UGT2B10: variants seen among roughly 807,000 people sequenced by gnomAD.
UGT2B10 encodes UDP-glucuronosyltransferase 2B10.
Under a neutral mutation model 43.7 loss-of-function variants are expected in UGT2B10, and 51 were observed. The observed-to-expected ratio is 1.17, with a 90% CI of 0.93 to 1.47. UGT2B10 has a LOEUF of 1.47. Among genes scored for constraint, UGT2B10 ranks in the 40% most tolerant of loss-of-function variants. The pLI is 0.00. For missense variants in UGT2B10, 696 were observed against 617.7 expected (o/e 1.13, Z -1.34); for synonymous variants, 225 against 209.0 (o/e 1.08, Z -0.66).
chr4:68,823,385 T>C (rs1737609818), intron 3 of UGT2B10, among the ~76,000 whole-genome samples: 1 of 151,974 alleles, frequency 6.6e-6, no homozygotes, highest in Admixed American at 6.6e-5. Flanking sequence ...TGTGTGCCTG[T>C]AACCCCAGCT....
At chr4:68,821,447 C>T (rs537867893) in intron 2 of UGT2B10, among the ~76,000 whole-genome samples, 1 of 152,254 alleles carries the variant, frequency 6.6e-6, no homozygotes, top group South Asian at 2.1e-4. Context: ...GAGTTCCTCA[C>T]ATGCAGTTAG....
chr4:68,822,717 C>T (rs1469487847), intron 3 of UGT2B10, among the ~76,000 whole-genome samples: 4 of 152,130 alleles, frequency 2.6e-5, no homozygotes, highest in African/African-American at 9.7e-5. Context: ...CTGATGTTAA[C>T]AGTCATACCT....
chr4:68,827,494 C>T lies in UGT2B10; in HGVS notation c.1253C>T (p.Thr418Ile), dbSNP rs759358213. Reference protein sequence around the residue: ...KGAAVRVDFNTMSSTDLLNAL... With the variant: ...KGAAVRVDFNIMSSTDLLNAL... ...GCAGCTGTTAGAGTGGACTTCAACACAATGTCGAGTACAGACCTGCTGAAT... is the reference window on the plus strand; with the variant it reads ...GCAGCTGTTAGAGTGGACTTCAACATAATGTCGAGTACAGACCTGCTGAAT... The change falls in exon 5 of 6, where the codon ACA becomes ATA. Residue 418 changes from threonine to isoleucine, a missense_variant. Thr to Ile is a moderately conservative substitution (Grantham distance 89). Coordinates refer to ENST00000265403, the MANE Select transcript of UGT2B10 (RefSeq NM_001075.6). 27 of 1,613,308 alleles carry T rather than the reference C, an allele frequency of 1.7e-5. No individual in the cohort carries two copies. The highest frequency in any genetic ancestry group is 2.1e-5 in the Non-Finnish European group (25 of 1,179,558).
In UGT2B10 at chr4:68,816,661, C is replaced by A; in HGVS notation, c.642C>A (p.Leu214=). The change falls in exon 1 of 6, where the codon CTC becomes CTA. Residue 214 remains leucine (L), a synonymous_variant. Coordinates refer to ENST00000265403, the MANE Select transcript of UGT2B10 (RefSeq NM_001075.6). ...TCATGGAGAGGGTAAAAAATATGCT[C>A]TATGTGCTTTATTTTGACTTTTGGT... ...MTFMERVKNM[L]YVLYFDFWFQ... 1 of 1,612,330 alleles carries A rather than the reference C, an allele frequency of 6.2e-7. No individual in the cohort carries two copies. The highest frequency in any genetic ancestry group is 8.5e-7 in the Non-Finnish European group (1 of 1,179,022).
intron 2 of UGT2B10, among the ~76,000 whole-genome samples, chr4:68,820,999 G>C (rs1254515171): frequency 1.3e-5 from 2 of 152,146 alleles, no homozygotes; most frequent in African/African-American, 4.8e-5. Flanking sequence ...CACTGAACAC[G>C]AGTTACATTA....
chr4:68,827,695 A>C (rs1182194508), intron 5 of UGT2B10, 147 bp downstream of exon 5: 5 of 1,361,292 alleles, frequency 3.7e-6, no homozygotes, highest in Admixed American at 2.9e-5. Context: ...TTTACTTTTT[A>C]TCTGTTATTT....
At position 68,816,023 on chromosome 4, in the gene UGT2B10, G is replaced by T; in HGVS notation, c.4G>T (p.Ala2Ser). 2 of 1,612,554 alleles carry T rather than the reference G, an allele frequency of 1.2e-6. No homozygotes were observed. The highest frequency in any genetic ancestry group is 1.1e-5 in the South Asian group (1 of 91,048). Residue 2 changes from alanine (A) to serine (S), a missense_variant, in exon 1 of 6, where the codon GCT (alanine) becomes TCT (serine). Coordinates refer to ENST00000265403, the MANE Select transcript of UGT2B10 (RefSeq NM_001075.6). M[A>S]LKWTTVLLIQ... Reference sequence around the variant, plus strand: ...AGAATTATCACATTGCACAAGGATGGCTCTGAAATGGACTACAGTTCTGCT... The same window carrying T: ...AGAATTATCACATTGCACAAGGATGTCTCTGAAATGGACTACAGTTCTGCT...
Position 68,822,225 on chromosome 4 carries a change from G to C in UGT2B10, c.868-46G>C, listed in dbSNP as rs749128915. The C allele has an allele frequency of 3.6e-5, 57 of 1,601,630 alleles. No individual in the cohort carries two copies. The Admixed American group carries it at 3.9e-4, about 11-fold the overall frequency. ...ACCAATTCTTTCGGTAGTGCCTGCT[G>C]TGGTGATACTCTTTTATGATGAAAC... is the stretch of plus-strand genomic sequence containing the variant. On this transcript the variant is annotated intron_variant, in intron 2 of 5. Coordinates refer to ENST00000265403, the MANE Select transcript of UGT2B10 (RefSeq NM_001075.6).
intron 3 of UGT2B10, among the ~76,000 whole-genome samples, chr4:68,823,623 A>G (rs1737624774): frequency 6.6e-6 from 1 of 152,194 alleles, no homozygotes; most frequent in Non-Finnish European, 1.5e-5. Flanking sequence ...ACTTCAGCAT[A>G]GGGAACAAAC....
chr4:68,822,928 C>CT (rs1429963576), intron 3 of UGT2B10, among the ~76,000 whole-genome samples: 1 of 152,114 alleles, frequency 6.6e-6, no homozygotes, highest in African/African-American at 2.4e-5. Context: ...GAACACTTGA[C>CT]TAACTCTTGG....
rs1293106211 is a variant in UGT2B10, at chr4:68,831,571, A to G, written c.*692A>G. On this transcript the variant is annotated 3_prime_UTR_variant, in exon 6 of 6. Coordinates refer to ENST00000265403, the MANE Select transcript of UGT2B10 (RefSeq NM_001075.6). ...GTTTGATTACATAAAATAAAGTGGA[A>G]ATGAATGATTGACTGAACAGCCCAC... 6.6e-6 allele frequency among the ~76,000 whole-genome samples: 1 copy of G among 152,116 alleles called. No individual in the cohort carries two copies. Among genetic ancestry groups the G allele is most frequent in the African/African-American group, 2.4e-5 (1 of 41,454 alleles).
At chr4:68,822,191 A>G (rs1737534728) in intron 2 of UGT2B10, 80 bp from the exon 3 acceptor site, 1 of 1,557,358 alleles carries the variant, frequency 6.4e-7, no homozygotes, top group South Asian at 1.2e-5. Context: ...TCTCTCTTTA[A>G]TATTTTGTAC....
At chr4:68,821,333 G>A (rs1393941358) in intron 2 of UGT2B10, among the ~76,000 whole-genome samples, 1 of 152,240 alleles carries the variant, frequency 6.6e-6, no homozygotes, top group Non-Finnish European at 1.5e-5. Context: ...TGTGGTGTGC[G>A]TGAGCTACTC....
At position 68,830,486 on chromosome 4, in the gene UGT2B10, A is replaced by G. The variant is rs930475172; in HGVS notation, c.1308-114A>G. ...ATTAAAATACATAAATTCTATATCA[A>G]TTCTTTGACATTTACTTTGAATTAT... On this transcript the variant is annotated intron_variant, in intron 5 of 5. Transcript: ENST00000265403. 1.5e-5 allele frequency: 19 copies of G among 1,285,380 alleles called. No individual in the cohort carries two copies. In the Admixed American group the frequency reaches 4.3e-4, roughly 29 times the overall value. 79.6% of individuals were successfully genotyped at this position (1,285,380 alleles called of 1,614,324 possible).
chr4:68,816,403 T>A lies in UGT2B10; in HGVS notation c.384T>A (p.Asp128Glu). The A allele has an allele frequency of 4.3e-6, 7 of 1,612,824 alleles. No homozygotes were observed. Among genetic ancestry groups the A allele is most frequent in the Non-Finnish European group, 5.1e-6 (6 of 1,179,332 alleles). ...ACATAATTAGAAACTTCTGTAAAGA[T>A]GTAGTTTCAAATAAGAAACTTATGA... ...INDIIRNFCKDVVSNKKLMKK... is the reference protein window; with the variant it reads ...INDIIRNFCKEVVSNKKLMKK... The change falls in exon 1 of 6, where the codon GAT (aspartate) becomes GAA (glutamate). Residue 128 changes from aspartate to glutamate, a missense_variant. Coordinates refer to ENST00000265403, the MANE Select transcript of UGT2B10 (RefSeq NM_001075.6).
chr4:68,827,554 T>C lies in UGT2B10; in HGVS notation c.1307+6T>C. ...ACAGTAATTAATGATCCTTCGTGAG[T>C]AGAACAATATTTTTCACTAGATGGT... On this transcript the variant is annotated splice_donor_region_variant and intron_variant, in intron 5 of 5. Coordinates refer to ENST00000265403, the MANE Select transcript of UGT2B10 (RefSeq NM_001075.6). The C allele has an allele frequency of 6.2e-7, 1 of 1,612,966 alleles. No homozygotes were observed. Among genetic ancestry groups the C allele is most frequent in the Non-Finnish European group, 8.5e-7 (1 of 1,179,230 alleles).
intron 3 of UGT2B10, among the ~76,000 whole-genome samples, chr4:68,822,637 A>G (rs1737567456): frequency 6.6e-6 from 1 of 152,098 alleles, no homozygotes; most frequent in Admixed American, 6.6e-5. Context: ...TCCTATTAGC[A>G]TCAGTGGGAA....
intron 3 of UGT2B10, among the ~76,000 whole-genome samples, chr4:68,822,675 G>A (rs181027574): frequency 3.3e-4 from 50 of 152,140 alleles, no homozygotes; most frequent in African/African-American, 1.1e-3. Flanking sequence ...ATCCACAAAA[G>A]GGAACTTGAG....
chr4:68,830,845 T>G lies in UGT2B10; in HGVS notation c.1553T>G (p.Phe518Cys), dbSNP rs1192796752. ...TGTTGTCTGTTTTGTTTCTGGAAGT[T>G]TGCTAGAAAAGGAAAGAAGGGAAAA... ...TKCCLFCFWK[F>C]ARKGKKGKRD is the part of the protein sequence containing the mutation. Residue 518 changes from phenylalanine (F) to cysteine (C), a missense_variant, in exon 6 of 6, where the codon TTT (phenylalanine) becomes TGT (cysteine). Transcript: ENST00000265403. 6.2e-7 allele frequency: 1 copy of G among 1,612,944 alleles called. No homozygotes were observed. Among genetic ancestry groups the G allele is most frequent in the African/African-American group, 1.3e-5 (1 of 74,842 alleles).
Sources: gnomAD v4.1 joint callset for allele counts (sites outside exome capture counted in the v4.1 genomes callset) on GRCh38, gnomAD v4.1.1 for gene constraint, MANE v1.5 for transcripts, NCBI Gene and HGNC (gene_info 2026-07-23, HGNC 2026-07-21) for gene names.